The following PCDH15 variants were observed in gnomAD, a reference collection of about 807,000 sequenced individuals.
PCDH15 encodes protocadherin-15.
Under a neutral mutation model 178.5 loss-of-function variants are expected in PCDH15, and 129 were observed. The observed-to-expected ratio is 0.72, with a 90% confidence interval of 0.63 to 0.84. The LOEUF is 0.84. Ranked by LOEUF, PCDH15 falls within the 40% of genes least tolerant of loss-of-function variation. The pLI is 0.00. For synonymous variants in PCDH15, 800 were observed against 732.0 expected (o/e 1.09, Z -1.50); for missense variants, 2,230 against 2,099.9 (o/e 1.06, Z -1.21).
chr10:53,903,451 C>A (rs1481393148), intron 25 of PCDH15, 81 bp from the exon 26 acceptor site: 2 of 1,503,556 alleles, frequency 1.3e-6, no homozygotes, highest in African/African-American at 2.8e-5. Flanking sequence ...ATTTGCTGCA[C>A]TTTTTTTTGG....
At chr10:54,987,471 A>T (rs1347063977) in intron 2 of PCDH15, among the ~76,000 whole-genome samples, 1 of 152,038 alleles carries the variant, frequency 6.6e-6, no homozygotes, top group African/African-American at 2.4e-5. Flanking sequence ...ACTAATTTAT[A>T]CTCCCACCAA....
chr10:54,766,065 A>G (rs964589671), intron 1 of PCDH15, among the ~76,000 whole-genome samples: 13 of 152,156 alleles, frequency 8.5e-5, no homozygotes, highest in African/African-American at 2.9e-4. Flanking sequence ...ATAGCTATAT[A>G]CATTGTATAT....
chr10:55,605,634 A>T (rs1485259074), intron 2 of PCDH15, among the ~76,000 whole-genome samples: 1 of 146,476 alleles, frequency 6.8e-6, no homozygotes, highest in East Asian at 2.0e-4. Context: ...AAACAGAACC[A>T]AAGACAAAAA....
At chr10:54,685,189 G>A (rs982419362) in intron 1 of PCDH15, among the ~76,000 whole-genome samples, 5 of 151,904 alleles carry the variant, frequency 3.3e-5, no homozygotes, top group South Asian at 2.1e-4. Context: ...TAACATGCAC[G>A]GAGCTGTCAT....
chr10:54,628,822 C>A (rs919952524), intron 2 of PCDH15, among the ~76,000 whole-genome samples: 2 of 152,060 alleles, frequency 1.3e-5, no homozygotes, highest in African/African-American at 4.8e-5. Context: ...TACAATGTGG[C>A]TGACATGATG....
intron 2 of PCDH15, among the ~76,000 whole-genome samples, chr10:55,418,585 G>GT (rs897173132): frequency 7.2e-5 from 11 of 151,832 alleles, no homozygotes; most frequent in African/African-American, 2.7e-4. Context: ...ATATTTAACT[G>GT]TTTTTTAGCA....
chr10:55,273,991 CATGT>C (rs1305805423), intron 1 of PCDH15, among the ~76,000 whole-genome samples: 2 of 152,180 alleles, frequency 1.3e-5, no homozygotes, highest in Admixed American at 1.3e-4. Flanking sequence ...TGTATGTACA[CATGT>C]ATGTATGTAT....
chr10:55,281,407 C>G (rs985178845), intron 1 of PCDH15, among the ~76,000 whole-genome samples: 1 of 151,354 alleles, frequency 6.6e-6, no homozygotes, highest in African/African-American at 2.4e-5. Context: ...TACCACTATA[C>G]AAATAAAAAC....
intron 2 of PCDH15, among the ~76,000 whole-genome samples, chr10:55,142,854 G>T (rs968346944): frequency 6.6e-6 from 1 of 151,800 alleles, no homozygotes; most frequent in Non-Finnish European, 1.5e-5. Context: ...TTGAGAGATG[G>T]AGTGAAGAAA....
In PCDH15 at chr10:54,176,346, C is replaced by T. The variant is rs556673042; in HGVS notation, c.1590+7098G>A. ...TGGGAGATACAGTTGATAGCTGGTACGTGGAAGCAATTAATTTTGACTTGC... is the reference window on the plus strand; with the variant it reads ...TGGGAGATACAGTTGATAGCTGGTATGTGGAAGCAATTAATTTTGACTTGC... On this transcript the variant is annotated intron_variant, in intron 13 of 37. Transcript: ENST00000644397. 1.1e-4 allele frequency among the ~76,000 whole-genome samples: 16 copies of T among 152,122 alleles called. No individual in the cohort carries two copies. In the South Asian group the frequency reaches 1.9e-3, roughly 18 times the overall value.
intron 1 of PCDH15, among the ~76,000 whole-genome samples, chr10:54,726,419 GGTGTGTGTGTGTGTGT>G (rs72051103): frequency 4.6e-4 from 9 of 19,522 alleles, no homozygotes; most frequent in South Asian, 2.5e-3. Context: ...ACCCATCAGG[GGTGTGTGTGTGTGTGT>G]GTGTGTGTGT....
At chr10:54,153,368 A>T in intron 13 of PCDH15, 75 bp from the exon 14 acceptor site, 1 of 1,503,616 alleles carries the variant, frequency 6.7e-7, no homozygotes. Flanking sequence ...TCCCCCAACA[A>T]AAGAAGCTTG....
At chr10:54,193,940 T>C (rs2049298139) in intron 11 of PCDH15, among the ~76,000 whole-genome samples, 1 of 151,754 alleles carries the variant, frequency 6.6e-6, no homozygotes, top group Non-Finnish European at 1.5e-5. Context: ...GTTGTGAGAT[T>C]TAAGGGAATT....
intron 1 of PCDH15, among the ~76,000 whole-genome samples, chr10:54,670,996 A>G (rs1272769099): frequency 6.6e-6 from 1 of 152,140 alleles, no homozygotes; most frequent in Non-Finnish European, 1.5e-5. Context: ...CAGAACCTTC[A>G]TCTAAATCTC....
At chr10:54,980,830 C>T (rs1479267345) in intron 2 of PCDH15, among the ~76,000 whole-genome samples, 1 of 151,656 alleles carries the variant, frequency 6.6e-6, no homozygotes, top group Admixed American at 6.6e-5. Flanking sequence ...CCGTGGCATA[C>T]CATAAGGCTC....
At chr10:55,494,416 G>A (rs1241796356) in intron 2 of PCDH15, among the ~76,000 whole-genome samples, 2 of 151,510 alleles carry the variant, frequency 1.3e-5, no homozygotes, top group Admixed American at 6.6e-5. Context: ...CTTTTGATTG[G>A]ATTGTTTAAT....
At position 53,812,825 on chromosome 10, in the gene PCDH15, G is replaced by C. The variant is rs140121877; in HGVS notation, c.4492-1206C>G. 3.1e-3 allele frequency among the ~76,000 whole-genome samples: 473 copies of C among 152,172 alleles called. 2 individuals carry two copies. Among genetic ancestry groups the C allele is most frequent in the Non-Finnish European group, 4.8e-3 (326 of 67,980 alleles). Reference sequence around the variant, plus strand: ...TAGGTACTCACATGAAAATAGATTGGTACATATTTCTATCATCTATTATTT... The same window carrying C: ...TAGGTACTCACATGAAAATAGATTGCTACATATTTCTATCATCTATTATTT... On this transcript the variant is annotated intron_variant, in intron 35 of 37. Coordinates refer to ENST00000644397, the MANE Select transcript of PCDH15 (RefSeq NM_001384140.1).
At chr10:54,482,913 A>G (rs1055213613) in intron 3 of PCDH15, among the ~76,000 whole-genome samples, 17 of 151,848 alleles carry the variant, frequency 1.1e-4, no homozygotes, top group African/African-American at 2.9e-4. Context: ...CTATGCAAGG[A>G]GTAAAATATT....
intron 15 of PCDH15, among the ~76,000 whole-genome samples, chr10:54,096,614 T>C (rs1056548195): frequency 6.6e-6 from 1 of 152,186 alleles, no homozygotes; most frequent in African/African-American, 2.4e-5. Flanking sequence ...TTTTGTGGTC[T>C]GCAGACAGCT....
Sources: allele counts gnomAD v4.1 joint callset (sites outside exome capture counted in the v4.1 genomes callset), GRCh38; gene constraint gnomAD v4.1.1; transcripts MANE v1.5; gene names NCBI Gene and HGNC (gene_info 2026-07-23, HGNC 2026-07-21).